Variants in PLA2G7 observed in about 807,000 individuals in gnomAD.
The protein encoded by PLA2G7 is platelet-activating factor acetylhydrolase.
Under a neutral mutation model 49.6 loss-of-function variants are expected in PLA2G7, and 63 were observed. The ratio of observed to expected loss-of-function variants is 1.27; its 90% CI spans 1.04 to 1.57. The LOEUF is 1.57. PLA2G7 is among the 40% of genes most tolerant of loss of function. The pLI is 0.00. For missense variants in PLA2G7, 596 were observed against 521.2 expected (o/e 1.14, Z -1.40); for synonymous variants, 193 against 169.9 (o/e 1.14, Z -1.06).
chr6:46,708,453 A>G (rs756749347), intron 9 of PLA2G7, among the ~76,000 whole-genome samples: 5 of 152,236 alleles, frequency 3.3e-5, no homozygotes, highest in Non-Finnish European at 7.3e-5. Context: ...TTTAGAATAC[A>G]TAATAATTTC....
rs200015160 is a variant in PLA2G7 at position 46,705,276 on chromosome 6, C to A, written c.1066G>T (p.Asp356Tyr). The A allele has an allele frequency of 3.4e-5, 55 of 1,612,248 alleles. No homozygotes were observed. The highest frequency in any genetic ancestry group is 4.4e-5 in the Non-Finnish European group (52 of 1,178,710). The change falls in exon 11 of 12, where the codon GAC becomes TAC. Residue 356 changes from aspartate to tyrosine, a missense_variant. Transcript: ENST00000274793. Reference protein sequence around the residue: ...IRGSVHQNFADFTFATGKIIG... With the variant: ...IRGSVHQNFAYFTFATGKIIG... ...ATTTTGCCAGTTGCAAAAGTGAAGTCAGCAAAATTCTGGTGGACTGAACCC... is the reference window on the plus strand; with the variant it reads ...ATTTTGCCAGTTGCAAAAGTGAAGTAAGCAAAATTCTGGTGGACTGAACCC...
chr6:46,724,338 A>G (rs1462261959), intron 1 of PLA2G7, among the ~76,000 whole-genome samples: 1 of 152,238 alleles, frequency 6.6e-6, no homozygotes, highest in East Asian at 1.9e-4. Context: ...CAAGACCTAG[A>G]ATAGTGCCTG....
chr6:46,716,276 T>A, intron 4 of PLA2G7, 108 bp downstream of exon 4: 1 of 1,094,544 alleles, frequency 9.1e-7, no homozygotes, highest in Non-Finnish European at 1.4e-6. Flanking sequence ...TAGGAGCTAT[T>A]TGGACTGAAG....
chr6:46,711,955 C>T (rs971859393), intron 6 of PLA2G7, among the ~76,000 whole-genome samples: 1 of 152,116 alleles, frequency 6.6e-6, no homozygotes, highest in Non-Finnish European at 1.5e-5. Context: ...TTTATCACCT[C>T]TATATTCCTC....
intron 2 of PLA2G7, 102 bp from the exon 3 acceptor site, chr6:46,717,198 G>A: frequency 9.1e-7 from 1 of 1,093,136 alleles, no homozygotes; most frequent in African/African-American, 1.5e-5. Flanking sequence ...CATAGTTTCT[G>A]GCCTTCTTTC....
chr6:46,706,904 CATCTATGA>C (rs1337031629), intron 10 of PLA2G7, among the ~76,000 whole-genome samples: 1 of 152,166 alleles, frequency 6.6e-6, no homozygotes, highest in Non-Finnish European at 1.5e-5. Flanking sequence ...ATTTTAGTGT[CATCTATGA>C]ATCCTTTTCT....
Position 46,708,010 on chromosome 6 carries a change from T to C in PLA2G7, c.1021A>G (p.Arg341Gly). 6.4e-7 allele frequency: 1 copy of C among 1,572,758 alleles called. No individual in the cohort carries two copies. Among genetic ancestry groups the C allele is most frequent in the South Asian group, 1.1e-5 (1 of 90,054 alleles). ...MKKCYSPDKE[R>G]KMITIRGSVH... ...ACTTACCTGATTGTAATCATCTTTC[T>C]TTCTTTATCAGGTGAGTAGCATTTT... Residue 341 changes from arginine to glycine, a missense_variant, in exon 10 of 12, where the codon AGA (arginine) becomes GGA (glycine). Arg to Gly is a moderately radical substitution (Grantham distance 125). Coordinates refer to ENST00000274793, the MANE Select transcript of PLA2G7 (RefSeq NM_005084.4).
intron 1 of PLA2G7, among the ~76,000 whole-genome samples, chr6:46,724,718 A>T (rs1334361188): frequency 1.3e-5 from 2 of 152,208 alleles, no homozygotes; most frequent in African/African-American, 4.8e-5. Flanking sequence ...TGCAGTCTTG[A>T]AGTGAAAGAC....
chr6:46,705,906 C>G (rs1238513838), intron 10 of PLA2G7, among the ~76,000 whole-genome samples: 2 of 152,182 alleles, frequency 1.3e-5, no homozygotes, highest in Non-Finnish European at 2.9e-5. Context: ...TGATGGCCTT[C>G]TTGCACTTTT....
upstream of PLA2G7, chr6:46,735,489 G>A (rs993775155): frequency 4.6e-5 from 7 of 152,362 alleles, no homozygotes; most frequent in African/African-American, 1.7e-4. Flanking sequence ...TAGCAGCGGC[G>A]GCTCCCGACG....
intron 11 of PLA2G7, 137 bp from the exon 12 acceptor site, chr6:46,704,833 C>G: frequency 1.5e-6 from 1 of 657,382 alleles, no homozygotes; most frequent in East Asian, 2.7e-5. Context: ...TCTGTATCAG[C>G]TGCCTCATGG....
Position 46,735,219 on chromosome 6 carries a change from C to A in PLA2G7, c.-74G>T, listed in dbSNP as rs1765886422. The A allele has an allele frequency of 6.6e-6, 1 of 152,242 alleles. No homozygotes were observed. The highest frequency in any genetic ancestry group is 2.4e-5 in the African/African-American group (1 of 41,462). 9.4% of individuals were successfully genotyped at this position (152,242 alleles called of 1,614,324 possible). A position where few individuals can be genotyped will look rare whatever the true frequency, so the allele number is the denominator to read the frequency against. On this transcript the variant is annotated 5_prime_UTR_variant, in exon 1 of 12. The change creates a new upstream start codon in the 5' untranslated region. Coordinates refer to ENST00000274793, the MANE Select transcript of PLA2G7 (RefSeq NM_005084.4). ...GAGCTGCTCGCGGGAACTGGGGTCC[C>A]TGGGCGCGTTCCACCGCGCACCAAC...
chr6:46,711,472 A>C (rs1765018454), intron 7 of PLA2G7, 24 bp downstream of exon 7: 1 of 1,612,656 alleles, frequency 6.2e-7, no homozygotes, highest in Non-Finnish European at 8.5e-7. Context: ...GTCACCAACC[A>C]CCTCTCCTTT....
intron 1 of PLA2G7, among the ~76,000 whole-genome samples, chr6:46,725,896 G>A (rs1406852624): frequency 6.6e-6 from 1 of 152,180 alleles, no homozygotes; most frequent in Non-Finnish European, 1.5e-5. Flanking sequence ...GTAAAAGGCA[G>A]ATTATTTATT....
At chr6:46,734,864 A>G (rs6935058) in intron 1 of PLA2G7, among the ~76,000 whole-genome samples, 35,441 of 151,676 alleles carry the variant, frequency 0.23, 5,346 homozygotes, top group African/African-American at 0.42. Flanking sequence ...GAGAGAGAGA[A>G]AAAAAAGAAA....
At chr6:46,718,654 C>T (rs1386600632) in intron 2 of PLA2G7, among the ~76,000 whole-genome samples, 1 of 152,200 alleles carries the variant, frequency 6.6e-6, no homozygotes, top group Admixed American at 6.5e-5. Context: ...CACTTTAATA[C>T]CTTGGTCAGA....
chr6:46,704,384 C>T lies in PLA2G7; in HGVS notation c.*176G>A, dbSNP rs202112744. The T allele has an allele frequency of 8.3e-6, 5 of 604,568 alleles. No homozygotes were observed. The highest frequency in any genetic ancestry group is 2.7e-5 in the Admixed American group (1 of 36,960). The allele number at this position is 604,568 out of a possible 1,614,324, so 37.5% of individuals were successfully genotyped here. A position where few individuals can be genotyped will look rare whatever the true frequency, so the allele number is the denominator to read the frequency against. ...AAATTCTTAGTCCAAGCTTCAATCACGATTACAGTATAGCCTACATTTTAA... is the reference window on the plus strand; with the variant it reads ...AAATTCTTAGTCCAAGCTTCAATCATGATTACAGTATAGCCTACATTTTAA... On this transcript the variant is annotated 3_prime_UTR_variant, in exon 12 of 12. Transcript: ENST00000274793.
chr6:46,705,448 G>A, intron 10 of PLA2G7, 147 bp from the exon 11 acceptor site: 2 of 669,480 alleles, frequency 3.0e-6, no homozygotes, highest in Non-Finnish European at 5.2e-6. Flanking sequence ...CTACTTAGAT[G>A]TGTTTCAAGG....
chr6:46,723,930 C>T (rs535366719), intron 1 of PLA2G7, among the ~76,000 whole-genome samples: 6 of 152,334 alleles, frequency 3.9e-5, no homozygotes, highest in African/African-American at 1.4e-4. Context: ...CTCTTGGACA[C>T]CTGCTGCAAT....
Sources: gnomAD v4.1 joint callset for allele counts (sites outside exome capture counted in the v4.1 genomes callset) on GRCh38, gnomAD v4.1.1 for gene constraint, MANE v1.5 for transcripts, NCBI Gene and HGNC (gene_info 2026-07-23, HGNC 2026-07-21) for gene names.